Variants in LRRC37A2 observed in about 807,000 individuals in gnomAD.
LRRC37A2 encodes leucine rich repeat containing 37 member A2, also known as leucine-rich repeat-containing protein 37A2.
Under a neutral mutation model 68.8 loss-of-function variants are expected in LRRC37A2, and 9 were observed. That is an observed-to-expected ratio of 0.13 (90% CI 0.08 to 0.23). LRRC37A2 has a LOEUF of 0.23. LRRC37A2 is among the 10% of genes least tolerant of loss of function. The probability of loss-of-function intolerance (pLI) is 1.00; values close to 1 mark genes in which losing one functional copy is unlikely to be tolerated. For missense variants in LRRC37A2, 168 were observed against 950.4 expected (o/e 0.18, Z 10.82); for synonymous variants, 63 against 367.6 (o/e 0.17, Z 9.48).
chr17:47,018,531 AATG>A, the LRRC37A2 span: 9 of 1,520,498 alleles, frequency 5.9e-6, no homozygotes, highest in African/African-American at 2.7e-5. Context: ...AGGGTCAGGT[AATG>A]ATGTAGAACC....
At chr17:46,971,434 A>G in the LRRC37A2 span, among the ~76,000 whole-genome samples, 466 of 152,276 alleles carry the variant, frequency 3.1e-3, 1 homozygote, top group East Asian at 0.014. Flanking sequence ...AGGTCCTGGC[A>G]TGGCTTGGCT....
At position 46,520,912 on chromosome 17, in the gene LRRC37A2, C is replaced by A; in HGVS notation, c.2753+629C>A. Among the ~76,000 whole-genome samples the A allele has an allele frequency of 2.6e-5, 2 of 78,346 alleles. 1 individual carries two copies. The highest frequency in any genetic ancestry group is 4.9e-4 in the East Asian group (2 of 4,102). The allele number at this position is 78,346 out of a possible 152,430, so 51.4% of individuals were successfully genotyped here. A position where few individuals can be genotyped will look rare whatever the true frequency, so the allele number is the denominator to read the frequency against. On this transcript the variant is annotated intron_variant, in intron 4 of 14. Transcript: ENST00000576629. Reference sequence around the variant, plus strand: ...GGTAATTTAATCGGAATTAAATTAACATTTAAATATTAAAAATAGCTGAAT... The same window carrying A: ...GGTAATTTAATCGGAATTAAATTAAAATTTAAATATTAAAAATAGCTGAAT...
chr17:46,755,805 C>T, the LRRC37A2 span: 3 of 1,610,076 alleles, frequency 1.9e-6, no homozygotes, highest in Admixed American at 3.3e-5. Context: ...TTTGCAGTAG[C>T]CCCCTTGATT....
chr17:47,002,968 G>T, the LRRC37A2 span, among the ~76,000 whole-genome samples: 4 of 152,112 alleles, frequency 2.6e-5, no homozygotes, highest in South Asian at 8.3e-4. Context: ...AAAGCTCAAG[G>T]AAGCTGGGTG....
At chr17:46,882,109 T>C in the LRRC37A2 span, among the ~76,000 whole-genome samples, 1 of 152,174 alleles carries the variant, frequency 6.6e-6, no homozygotes, top group Non-Finnish European at 1.5e-5. Flanking sequence ...TGAGCTGTGA[T>C]TGCACCACTG....
At chr17:47,012,933 G>A in the LRRC37A2 span, among the ~76,000 whole-genome samples, 1 of 152,160 alleles carries the variant, frequency 6.6e-6, no homozygotes, top group Non-Finnish European at 1.5e-5. Context: ...CATTATTCAC[G>A]ATAGCCAAAA....
the LRRC37A2 span, among the ~76,000 whole-genome samples, chr17:46,880,679 G>A: frequency 9.6e-4 from 146 of 152,320 alleles, 1 homozygote; most frequent in African/African-American, 3.1e-3. Context: ...AGGCAGTGGG[G>A]CCAGGATTGG....
chr17:46,835,860 G>A, the LRRC37A2 span, among the ~76,000 whole-genome samples: 5 of 152,230 alleles, frequency 3.3e-5, no homozygotes, highest in Non-Finnish European at 5.9e-5. Flanking sequence ...TCTTAACCAG[G>A]AAGTTGAGCT....
At chr17:46,999,521 G>A in the LRRC37A2 span, among the ~76,000 whole-genome samples, 2 of 152,024 alleles carry the variant, frequency 1.3e-5, no homozygotes, top group Non-Finnish European at 2.9e-5. Flanking sequence ...GCTAATTTTT[G>A]TAATTTTTTG....
At chr17:46,721,267 A>G in the LRRC37A2 span, among the ~76,000 whole-genome samples, 1 of 152,086 alleles carries the variant, frequency 6.6e-6, no homozygotes, top group Non-Finnish European at 1.5e-5. Context: ...TGACAATCTC[A>G]TTATGTGCAC....
intron 11 of LRRC37A2, 121 bp from the exon 11 acceptor site, chr17:46,553,279 T>G: frequency 1.3e-6 from 2 of 1,501,650 alleles, no homozygotes; most frequent in South Asian, 2.5e-5. Flanking sequence ...ACAATTCCTG[T>G]CTTCAAAAAA....
At chr17:46,934,843 C>T in the LRRC37A2 span, among the ~76,000 whole-genome samples, 1 of 152,232 alleles carries the variant, frequency 6.6e-6, no homozygotes, top group East Asian at 1.9e-4. Flanking sequence ...GAGGAAGTTC[C>T]TCTTCTGTGT....
chr17:47,028,944 C>T, the LRRC37A2 span, among the ~76,000 whole-genome samples: 2 of 151,328 alleles, frequency 1.3e-5, no homozygotes. Context: ...CTTGGGAGGC[C>T]AAGGTGGGAG....
the LRRC37A2 span, chr17:46,773,913 C>CA: frequency 6.2e-7 from 1 of 1,611,016 alleles, no homozygotes; most frequent in Non-Finnish European, 8.5e-7. Flanking sequence ...CAGGGACCTG[C>CA]AGGCAGACAG....
At chr17:46,947,256 C>T in the LRRC37A2 span, among the ~76,000 whole-genome samples, 1 of 152,174 alleles carries the variant, frequency 6.6e-6, no homozygotes. Context: ...GCAGGGCAGC[C>T]TCCTCTTTGG....
At chr17:46,704,867 A>G in the LRRC37A2 span, 1 of 1,591,524 alleles carries the variant, frequency 6.3e-7, no homozygotes, top group Non-Finnish European at 8.5e-7. Flanking sequence ...GAGTATGCCC[A>G]TTGAGTGATA....
chr17:46,818,797 G>A, the LRRC37A2 span: 1 of 630,956 alleles, frequency 1.6e-6, no homozygotes, highest in Non-Finnish European at 2.8e-6. Context: ...GCCAATCAGC[G>A]CCCGCGGCCT....
chr17:46,978,681 G>A, the LRRC37A2 span: 1 of 1,610,556 alleles, frequency 6.2e-7, no homozygotes, highest in Non-Finnish European at 8.5e-7. Flanking sequence ...CCACGTCCTT[G>A]GAGGGCCGGC....
the LRRC37A2 span, among the ~76,000 whole-genome samples, chr17:46,866,616 T>C: frequency 6.6e-6 from 1 of 152,004 alleles, no homozygotes; most frequent in Admixed American, 6.6e-5. Flanking sequence ...GATGGGGTTT[T>C]TCAGGGTGGA....
Sources: allele counts gnomAD v4.1 joint callset (sites outside exome capture counted in the v4.1 genomes callset), GRCh38; gene constraint gnomAD v4.1.1; transcripts MANE v1.5; gene names NCBI Gene and HGNC (gene_info 2026-07-23, HGNC 2026-07-21).